The following GRIK2 variants were observed in gnomAD, a reference collection of about 807,000 sequenced individuals.
GRIK2 encodes the protein glutamate receptor ionotropic, kainate 2.
Under a neutral mutation model 100.3 loss-of-function variants are expected in GRIK2, and 32 were observed. The observed-to-expected ratio is 0.32, with a 90% confidence interval of 0.24 to 0.43. GRIK2 has a LOEUF of 0.43. GRIK2 is among the 20% of genes least tolerant of loss of function. The pLI is 1.00. For missense variants in GRIK2, 843 were observed against 1,114.9 expected (o/e 0.76, Z 3.47); for synonymous variants, 417 against 389.4 (o/e 1.07, Z -0.83).
chr6:101,792,647 C>T (rs1779963880), intron 7 of GRIK2, among the ~76,000 whole-genome samples: 1 of 152,036 alleles, frequency 6.6e-6, no homozygotes, highest in Non-Finnish European at 1.5e-5. Context: ...AACATTTTTT[C>T]CTTCATTTCA....
intron 3 of GRIK2, among the ~76,000 whole-genome samples, chr6:101,625,581 G>A (rs552194802): frequency 2.0e-5 from 3 of 151,988 alleles, no homozygotes; most frequent in Admixed American, 1.3e-4. Context: ...GCCCAAGCTC[G>A]CTATTTGTGT....
At chr6:101,898,282 A>T (rs934518206) in intron 12 of GRIK2, among the ~76,000 whole-genome samples, 1 of 151,922 alleles carries the variant, frequency 6.6e-6, no homozygotes, top group Non-Finnish European at 1.5e-5. Flanking sequence ...AAATAAATTT[A>T]GAAGAAAATG....
intron 14 of GRIK2, among the ~76,000 whole-genome samples, chr6:101,950,356 C>T (rs1255610109): frequency 6.6e-6 from 1 of 151,992 alleles, no homozygotes; most frequent in Admixed American, 6.6e-5. Context: ...TGTGGTTGAC[C>T]AGAGGTCACT....
At chr6:102,012,704 A>C (rs997214690) in intron 14 of GRIK2, among the ~76,000 whole-genome samples, 6 of 152,126 alleles carry the variant, frequency 3.9e-5, no homozygotes, top group African/African-American at 1.4e-4. Context: ...TGAATCCTAA[A>C]ACCTTGTTCT....
chr6:101,581,268 G>T (rs1211015905), intron 2 of GRIK2, among the ~76,000 whole-genome samples: 1 of 148,650 alleles, frequency 6.7e-6, no homozygotes, highest in South Asian at 2.1e-4. Context: ...ATATCTACAC[G>T]TGTATACATG....
intron 4 of GRIK2, among the ~76,000 whole-genome samples, chr6:101,658,593 G>GA (rs1769374597): frequency 1.2e-5 from 1 of 85,204 alleles, no homozygotes; most frequent in Non-Finnish European, 3.5e-5. Flanking sequence ...TGGATCAAAT[G>GA]GTATTTCTGT....
At chr6:101,705,444 T>G (rs1773202196) in intron 7 of GRIK2, among the ~76,000 whole-genome samples, 1 of 151,808 alleles carries the variant, frequency 6.6e-6, no homozygotes, top group South Asian at 2.1e-4. Flanking sequence ...TTAGACGAAA[T>G]GCATATGAAC....
chr6:101,878,547 T>C (rs573283910), intron 11 of GRIK2, among the ~76,000 whole-genome samples: 1 of 151,924 alleles, frequency 6.6e-6, no homozygotes, highest in African/African-American at 2.4e-5. Context: ...CCTCACAAAT[T>C]TATTACTATT....
At chr6:101,599,429 T>C (rs904998350) in intron 2 of GRIK2, among the ~76,000 whole-genome samples, 1 of 151,898 alleles carries the variant, frequency 6.6e-6, no homozygotes. Context: ...TTTAGATATA[T>C]ACCCAGTAAT....
intron 9 of GRIK2, among the ~76,000 whole-genome samples, chr6:101,804,278 TAC>T (rs1161504655): frequency 1.3e-5 from 2 of 151,988 alleles, no homozygotes; most frequent in African/African-American, 4.8e-5. Context: ...ATTACACACA[TAC>T]ACATACAAAT....
chr6:102,002,065 T>C (rs1794969401), intron 14 of GRIK2, among the ~76,000 whole-genome samples: 1 of 151,662 alleles, frequency 6.6e-6, no homozygotes, highest in Admixed American at 6.6e-5. Context: ...TCTATCTCCT[T>C]CAGGTTTTGT....
intron 11 of GRIK2, among the ~76,000 whole-genome samples, chr6:101,873,815 A>G (rs9485550): frequency 0.71 from 107,917 of 151,282 alleles, 40,119 homozygotes; most frequent in East Asian, 0.92. Context: ...GTATCTCATT[A>G]TGGTTTTGAT....
rs1012897881 is a variant in GRIK2 at position 101,490,804 on chromosome 6, C to T, written c.115+91412C>T. Among the ~76,000 whole-genome samples the T allele has an allele frequency of 2.0e-4, 29 of 146,318 alleles. 4 individuals are homozygous for T. The highest frequency in any genetic ancestry group is 4.1e-4 in the Non-Finnish European group (27 of 66,564). ...AGGAAAGTGATGACAATGACAACAACAAAACAAAATCCTCAGATTAATATA... is the reference window on the plus strand; with the variant it reads ...AGGAAAGTGATGACAATGACAACAATAAAACAAAATCCTCAGATTAATATA... On this transcript the variant is annotated intron_variant, in intron 2 of 16. Coordinates refer to ENST00000369134, the MANE Select transcript of GRIK2 (RefSeq NM_021956.5).
chr6:101,674,097 A>C (rs951404858), intron 4 of GRIK2, among the ~76,000 whole-genome samples: 1 of 152,096 alleles, frequency 6.6e-6, no homozygotes, highest in African/African-American at 2.4e-5. Context: ...TAATTATTTT[A>C]TTGTCCTGTT....
At chr6:101,806,293 G>T (rs1287179089) in intron 9 of GRIK2, among the ~76,000 whole-genome samples, 1 of 152,080 alleles carries the variant, frequency 6.6e-6, no homozygotes, top group African/African-American at 2.4e-5. Context: ...CTTCTGGTCA[G>T]TTCAAGGATC....
intron 4 of GRIK2, among the ~76,000 whole-genome samples, chr6:101,674,643 A>G (rs1456864781): frequency 2.0e-5 from 3 of 152,196 alleles, no homozygotes; most frequent in Non-Finnish European, 4.4e-5. Context: ...TCTAGAACTT[A>G]TTGTAGTATG....
At chr6:101,835,666 C>T (rs1783033267) in intron 10 of GRIK2, among the ~76,000 whole-genome samples, 1 of 149,028 alleles carries the variant, frequency 6.7e-6, no homozygotes, top group Non-Finnish European at 1.5e-5. Context: ...GATGGGGTTT[C>T]ACCATGTTTG....
chr6:101,639,093 G>A (rs1377963237), intron 4 of GRIK2, among the ~76,000 whole-genome samples: 1 of 152,098 alleles, frequency 6.6e-6, no homozygotes, highest in African/African-American at 2.4e-5. Flanking sequence ...AGGCTGGAAT[G>A]CAGTGGCGCA....
intron 2 of GRIK2, among the ~76,000 whole-genome samples, chr6:101,584,087 T>C (rs1036729984): frequency 6.6e-6 from 1 of 152,098 alleles, no homozygotes; most frequent in African/African-American, 2.4e-5. Flanking sequence ...GTATGTACTA[T>C]TTTAATATTT....
Sources: allele counts gnomAD v4.1 joint callset (sites outside exome capture counted in the v4.1 genomes callset), GRCh38; gene constraint gnomAD v4.1.1; transcripts MANE v1.5; gene names NCBI Gene and HGNC (gene_info 2026-07-23, HGNC 2026-07-21).